The following PTPRN2 variants were observed in gnomAD, a reference collection of about 807,000 sequenced individuals.
The protein encoded by PTPRN2 is receptor-type tyrosine-protein phosphatase N2.
In PTPRN2, 74 loss-of-function variants were observed where a neutral mutation model predicts 118.8. The observed-to-expected ratio is 0.62, with a 90% confidence interval of 0.52 to 0.76. The LOEUF is 0.76. Among genes scored for constraint, PTPRN2 ranks in the 30% least tolerant of loss-of-function variants. The probability of loss-of-function intolerance (pLI) is 0.00; values close to 1 mark genes in which losing one functional copy is unlikely to be tolerated. For missense variants in PTPRN2, 1,481 were observed against 1,394.4 expected (o/e 1.06, Z -0.99); for synonymous variants, 641 against 608.0 (o/e 1.05, Z -0.80).
At chr7:158,534,922 C>T (rs1825558547) in intron 1 of PTPRN2, among the ~76,000 whole-genome samples, 1 of 152,184 alleles carries the variant, frequency 6.6e-6, no homozygotes, top group Admixed American at 6.5e-5. Flanking sequence ...GTCTGGAAGT[C>T]CTGCCTCGAG....
intron 3 of PTPRN2, among the ~76,000 whole-genome samples, chr7:158,298,043 T>C (rs1161719647): frequency 6.6e-6 from 1 of 152,222 alleles, no homozygotes; most frequent in Non-Finnish European, 1.5e-5. Context: ...TTTCCTACGA[T>C]TCTTGAATTC....
At chr7:158,311,810 C>T (rs1389305707) in intron 3 of PTPRN2, among the ~76,000 whole-genome samples, 1 of 152,190 alleles carries the variant, frequency 6.6e-6, no homozygotes, top group Non-Finnish European at 1.5e-5. Flanking sequence ...AACATGCTCA[C>T]GTGTAGACAC....
chr7:158,402,181 CACA>C (rs1383786703), intron 2 of PTPRN2, among the ~76,000 whole-genome samples: 4 of 152,110 alleles, frequency 2.6e-5, no homozygotes, highest in Admixed American at 6.5e-5. Flanking sequence ...GAGAGTGGCT[CACA>C]ACAAGTCCAC....
chr7:157,580,823 C>G (rs1286718133), intron 17 of PTPRN2, among the ~76,000 whole-genome samples: 3 of 127,086 alleles, frequency 2.4e-5, no homozygotes, highest in African/African-American at 3.0e-5. Flanking sequence ...CCAGCACCTG[C>G]ACACCCCAGC....
rs1170539024 is a variant in PTPRN2, at chr7:157,627,681, C to G, written c.2197-6172G>C. Among the ~76,000 whole-genome samples the G allele has an allele frequency of 1.3e-5, 2 of 152,040 alleles. No individual in the cohort carries two copies. Among genetic ancestry groups the G allele is most frequent in the Non-Finnish European group, 2.9e-5 (2 of 68,022 alleles). On this transcript the variant is annotated intron_variant, in intron 14 of 22. Coordinates refer to ENST00000389418, the MANE Select transcript of PTPRN2 (RefSeq NM_002847.5). The surrounding 1 kb of genome is among the most constrained non-coding windows in gnomAD (Gnocchi z 4.2). ...GCCCTGAGTGAAAAGGTGTCTCCAA[C>G]CTTCTCAAATTCTCATACTTCCTGA...
intron 2 of PTPRN2, among the ~76,000 whole-genome samples, chr7:158,363,725 G>A (rs2151298019): frequency 1.3e-5 from 2 of 152,338 alleles, no homozygotes; most frequent in Non-Finnish European, 2.9e-5. Flanking sequence ...AGAGAGCCAG[G>A]AGAGGTCGGG....
At chr7:157,807,379 G>A (rs769586567) in intron 12 of PTPRN2, among the ~76,000 whole-genome samples, 7 of 152,212 alleles carry the variant, frequency 4.6e-5, no homozygotes, top group Middle Eastern at 3.2e-3. Flanking sequence ...CAGCCAGAAC[G>A]AGTGTGGGTT....
At chr7:157,567,888 C>T (rs1299940230) in intron 21 of PTPRN2, among the ~76,000 whole-genome samples, 1 of 152,204 alleles carries the variant, frequency 6.6e-6, no homozygotes, top group Non-Finnish European at 1.5e-5. Flanking sequence ...CTGGACACAT[C>T]TCTCTGCCCT....
intron 3 of PTPRN2, among the ~76,000 whole-genome samples, chr7:158,223,091 T>C (rs1362001240): frequency 1.3e-5 from 2 of 152,192 alleles, no homozygotes; most frequent in Non-Finnish European, 2.9e-5. Context: ...ATGGATCGAC[T>C]CCTTGAAATC....
At position 157,763,068 on chromosome 7, in the gene PTPRN2, G is replaced by A. The variant is rs56333163; in HGVS notation, c.1789-80131C>T. On this transcript the variant is annotated intron_variant, in intron 12 of 22. Transcript: ENST00000389418. This position sits in a 1 kb window ranked among gnomAD's most constrained non-coding sequence, Gnocchi z 4.9. ...GGGCTAACCCTCCATCAGAGCCCAC[G>A]GCCGCCCACTCATGGTCACAGAGCT... 9.3e-4 allele frequency among the ~76,000 whole-genome samples: 136 copies of A among 145,638 alleles called. No individual in the cohort carries two copies. Among genetic ancestry groups the A allele is most frequent in the African/African-American group, 3.0e-3 (116 of 38,420 alleles).
rs749886375 is a variant in PTPRN2, at chr7:157,788,374, CAAA to C, written c.1789-105440_1789-105438del. 6.6e-5 allele frequency among the ~76,000 whole-genome samples: 5 copies of C among 75,522 alleles called. 1 individual carries two copies. The highest frequency in any genetic ancestry group is 1.6e-4 in the Admixed American group (1 of 6,432). 49.5% of individuals were successfully genotyped at this position (75,522 alleles called of 152,430 possible). ...TGGGAAACAGAATGAGACTCCATCT[CAAA>C]AAAAAAAAAAAAAAAGAAAGTACAG... On this transcript the variant is annotated intron_variant, in intron 12 of 22. Coordinates refer to ENST00000389418, the MANE Select transcript of PTPRN2 (RefSeq NM_002847.5).
chr7:157,643,323 A>G (rs1322513572), intron 14 of PTPRN2, among the ~76,000 whole-genome samples: 1 of 152,274 alleles, frequency 6.6e-6, no homozygotes, highest in Non-Finnish European at 1.5e-5. Flanking sequence ...AAGCACTAGC[A>G]TGGCTCTAGC....
At chr7:158,111,049 C>A in intron 9 of PTPRN2, 134 bp from the exon 10 acceptor site, 1 of 723,526 alleles carries the variant, frequency 1.4e-6, no homozygotes, top group Non-Finnish European at 2.3e-6. Context: ...GGTCAGCTGC[C>A]CCCTCAGGCA....
At chr7:158,573,549 TCAAC>T (rs1337987790) in intron 1 of PTPRN2, among the ~76,000 whole-genome samples, 2 of 152,014 alleles carry the variant, frequency 1.3e-5, no homozygotes, top group Non-Finnish European at 2.9e-5. Context: ...TCCTTGAAAA[TCAAC>T]CAACCAAGAG....
intron 11 of PTPRN2, among the ~76,000 whole-genome samples, chr7:157,971,918 G>T (rs1249088249): frequency 6.6e-6 from 1 of 152,226 alleles, no homozygotes; most frequent in Non-Finnish European, 1.5e-5. Flanking sequence ...TCCAGTGAAA[G>T]AAAAGAGAAT....
chr7:157,984,067 A>C (rs977320275), intron 11 of PTPRN2, among the ~76,000 whole-genome samples: 1 of 152,154 alleles, frequency 6.6e-6, no homozygotes, highest in Non-Finnish European at 1.5e-5. Context: ...GCCAAGCACC[A>C]AGAAGGAAAA....
At chr7:157,751,322 C>T (rs991690581) in intron 12 of PTPRN2, among the ~76,000 whole-genome samples, 4 of 152,106 alleles carry the variant, frequency 2.6e-5, no homozygotes, top group African/African-American at 9.7e-5. Context: ...CGAGGGAGAG[C>T]AGGTGGAAAG....
intron 11 of PTPRN2, among the ~76,000 whole-genome samples, chr7:158,076,483 G>A (rs560697645): frequency 6.6e-5 from 10 of 152,326 alleles, no homozygotes; most frequent in Admixed American, 3.3e-4. Flanking sequence ...CCCCTCCCCC[G>A]GGGCCAACCT....
At chr7:158,101,569 A>G (rs1815231196) in intron 10 of PTPRN2, among the ~76,000 whole-genome samples, 1 of 152,244 alleles carries the variant, frequency 6.6e-6, no homozygotes, top group South Asian at 2.1e-4. Context: ...CAATCAGCAG[A>G]ATAAACTCAT....
Sources: gnomAD v4.1 joint callset for allele counts (sites outside exome capture counted in the v4.1 genomes callset) on GRCh38, gnomAD v4.1.1 for gene constraint, Gnocchi (gnomAD v3.1) non-coding constraint, MANE v1.5 for transcripts, NCBI Gene and HGNC (gene_info 2026-07-23, HGNC 2026-07-21) for gene names.